FHIT: variants seen among roughly 807,000 people sequenced by gnomAD.
The protein encoded by FHIT is fragile histidine triad diadenosine triphosphatase.
FHIT carries 19 observed loss-of-function variants against 17.9 expected under a neutral mutation model. The observed-to-expected ratio is 1.06, with a 90% CI of 0.74 to 1.56. The LOEUF (loss-of-function observed/expected upper bound fraction) is 1.56, where lower values mean the gene tolerates loss of function less well. Ranked by LOEUF, FHIT falls within the 40% of genes most tolerant of loss-of-function variation. The probability of loss-of-function intolerance (pLI) is 0.00; values close to 1 mark genes in which losing one functional copy is unlikely to be tolerated. For synonymous variants in FHIT, 81 were observed against 69.7 expected (o/e 1.16, Z -0.81); for missense variants, 248 against 189.2 (o/e 1.31, Z -1.82).
At chr3:60,676,270 A>G (rs2040618727) in intron 4 of FHIT, among the ~76,000 whole-genome samples, 1 of 152,174 alleles carries the variant, frequency 6.6e-6, no homozygotes, top group Non-Finnish European at 1.5e-5. Context: ...TCACAATTTT[A>G]GCTCAAGTTT....
At chr3:60,877,778 A>G (rs1704738129) in intron 3 of FHIT, among the ~76,000 whole-genome samples, 1 of 152,010 alleles carries the variant, frequency 6.6e-6, no homozygotes, top group African/African-American at 2.4e-5. Context: ...GCTTTCCTGA[A>G]GCTGGACTAG....
chr3:60,250,280 GT>G (rs1705628321), intron 5 of FHIT, among the ~76,000 whole-genome samples: 1 of 152,090 alleles, frequency 6.6e-6, no homozygotes, highest in South Asian at 2.1e-4. Flanking sequence ...CACATTTTTA[GT>G]TGCTTACTAG....
chr3:60,290,708 C>T (rs143335674), intron 5 of FHIT, among the ~76,000 whole-genome samples: 57 of 152,238 alleles, frequency 3.7e-4, no homozygotes, highest in African/African-American at 1.3e-3. Flanking sequence ...ACTGTGTCTC[C>T]AAATGAGTCC....
In FHIT at chr3:60,648,409, T is replaced by C. The variant is rs375446851; in HGVS notation, c.-17-111430A>G. ...GCCAGCTTAAACTCAGGAAAATCAA[T>C]GGTCTGGGCTTAAGAACAATTGTGC... On this transcript the variant is annotated intron_variant, in intron 4 of 9. Coordinates refer to ENST00000492590, the MANE Select transcript of FHIT (RefSeq NM_002012.4). 2.0e-5 allele frequency among the ~76,000 whole-genome samples: 3 copies of C among 152,182 alleles called. No homozygotes were observed. In the East Asian group the frequency reaches 5.8e-4, roughly 29 times the overall value.
chr3:59,811,792 C>T (rs1441984687), intron 8 of FHIT, among the ~76,000 whole-genome samples: 1 of 152,146 alleles, frequency 6.6e-6, no homozygotes, highest in African/African-American at 2.4e-5. Context: ...GCACTTACTG[C>T]CACTGTGATA....
intron 5 of FHIT, among the ~76,000 whole-genome samples, chr3:60,234,095 T>C (rs535077110): frequency 5.3e-5 from 8 of 152,320 alleles, no homozygotes; most frequent in African/African-American, 1.7e-4. Flanking sequence ...TCCAGTTCAC[T>C]TGCATGCTTC....
Position 60,306,541 on chromosome 3 carries a change from T to G in FHIT, c.103+230319A>C, listed in dbSNP as rs143580193. On this transcript the variant is annotated intron_variant, in intron 5 of 9. Transcript: ENST00000492590. ...TAAGATATCACTTATATGCCTGTTTTTAGACTGAGAGGCTCCTCAATTCCT... is the reference window on the plus strand; with the variant it reads ...TAAGATATCACTTATATGCCTGTTTGTAGACTGAGAGGCTCCTCAATTCCT... Among the ~76,000 whole-genome samples the G allele has an allele frequency of 5.4e-3, 827 of 152,268 alleles. 20 individuals carry two copies. The highest frequency in any genetic ancestry group is 0.043 in the Admixed American group (654 of 15,278).
At chr3:60,680,737 C>A (rs192997322) in intron 4 of FHIT, among the ~76,000 whole-genome samples, 13 of 152,226 alleles carry the variant, frequency 8.5e-5, no homozygotes, top group Non-Finnish European at 1.2e-4. Flanking sequence ...TGACAACACA[C>A]GAAACACCCA....
intron 7 of FHIT, among the ~76,000 whole-genome samples, chr3:59,943,681 A>G (rs1706651658): frequency 6.6e-6 from 1 of 152,196 alleles, no homozygotes; most frequent in African/African-American, 2.4e-5. Flanking sequence ...GGAGTGGAAG[A>G]AAGAACATAT....
intron 5 of FHIT, among the ~76,000 whole-genome samples, chr3:60,218,488 T>G (rs1703802393): frequency 6.6e-6 from 1 of 152,102 alleles, no homozygotes; most frequent in Non-Finnish European, 1.5e-5. Context: ...AATGAACAAT[T>G]TTTTCTTTGA....
chr3:60,337,708 A>G (rs1441578424), intron 5 of FHIT, among the ~76,000 whole-genome samples: 1 of 152,154 alleles, frequency 6.6e-6, no homozygotes, highest in Non-Finnish European at 1.5e-5. Context: ...ATCCTGGGAG[A>G]GAGTACTGAA....
intron 3 of FHIT, among the ~76,000 whole-genome samples, chr3:60,879,055 G>A (rs1704828221): frequency 6.6e-6 from 1 of 152,130 alleles, no homozygotes; most frequent in African/African-American, 2.4e-5. Flanking sequence ...GATCCCTGAG[G>A]AATTGCCACA....
At chr3:60,553,742 G>A (rs2036648837) in intron 4 of FHIT, among the ~76,000 whole-genome samples, 1 of 151,960 alleles carries the variant, frequency 6.6e-6, no homozygotes, top group African/African-American at 2.4e-5. Context: ...CACAGGTGAT[G>A]AATATCTAAA....
chr3:60,130,793 A>ACACATATATATATGTGTGTGTGTGTG (rs1165614900), intron 5 of FHIT, among the ~76,000 whole-genome samples: 1 of 140,428 alleles, frequency 7.1e-6, no homozygotes, highest in Non-Finnish European at 1.6e-5. Flanking sequence ...TGGTGTGTAT[A>ACACATATATATATGTGTGTGTGTGTG]TACACACATA....
intron 7 of FHIT, among the ~76,000 whole-genome samples, chr3:59,924,802 G>C (rs1705573176): frequency 6.6e-6 from 1 of 151,942 alleles, no homozygotes; most frequent in African/African-American, 2.4e-5. Context: ...CCTGTACTTG[G>C]GGCTTATTAA....
Position 60,317,326 on chromosome 3 carries a change from A to G in FHIT, c.103+219534T>C, listed in dbSNP as rs184858752. Among the ~76,000 whole-genome samples, 589 of 151,958 alleles carry G rather than the reference A, an allele frequency of 3.9e-3. 17 individuals are homozygous for G. In the South Asian group the frequency reaches 0.067, roughly 17 times the overall value. On this transcript the variant is annotated intron_variant, in intron 5 of 9. Coordinates refer to ENST00000492590, the MANE Select transcript of FHIT (RefSeq NM_002012.4). ...ATGATTCTATTCATCCTGGACTGAC[A>G]ATTGTTATCTTTGTAATTGATAAAT...
chr3:60,139,204 G>T (rs1026012690), intron 5 of FHIT, among the ~76,000 whole-genome samples: 1 of 152,164 alleles, frequency 6.6e-6, no homozygotes, highest in South Asian at 2.1e-4. Context: ...TTCAGTACAG[G>T]AAGGCACGTG....
At chr3:61,023,324 C>T (rs1158714892) in intron 3 of FHIT, among the ~76,000 whole-genome samples, 1 of 152,146 alleles carries the variant, frequency 6.6e-6, no homozygotes, top group Non-Finnish European at 1.5e-5. Context: ...CTACAAACCA[C>T]TGCTCAAGGA....
chr3:60,219,110 C>T (rs1191528545), intron 5 of FHIT, among the ~76,000 whole-genome samples: 2 of 152,042 alleles, frequency 1.3e-5, no homozygotes, highest in East Asian at 3.9e-4. Flanking sequence ...GGTCTATCTA[C>T]CCACATTACT....
Sources: allele counts gnomAD v4.1 joint callset (sites outside exome capture counted in the v4.1 genomes callset), GRCh38; gene constraint gnomAD v4.1.1; transcripts MANE v1.5; gene names NCBI Gene and HGNC (gene_info 2026-07-23, HGNC 2026-07-21).